ATP6V0C: variants seen among roughly 807,000 people sequenced by gnomAD.
The protein encoded by ATP6V0C is V-type proton ATPase 16 kDa proteolipid subunit c.
ATP6V0C carries 2 observed loss-of-function variants against 10.6 expected under a neutral mutation model. The observed-to-expected ratio is 0.19, with a 90% CI of 0.08 to 0.59. The LOEUF is 0.59. Among genes scored for constraint, ATP6V0C ranks in the 20% least tolerant of loss-of-function variants. The pLI, the probability that ATP6V0C is intolerant of heterozygous loss-of-function variation, is 0.90. For synonymous variants in ATP6V0C, 128 were observed against 101.3 expected (o/e 1.26, Z -1.59); for missense variants, 89 against 225.9 (o/e 0.39, Z 3.88).
chr16:2,519,655 A>G lies in ATP6V0C; in HGVS notation c.378A>G (p.Arg126=). Residue 126 remains arginine (R), a synonymous_variant, in exon 3 of 3, where the codon CGA becomes CGG. Transcript: ENST00000330398. ...AGVRGTAQQP[R]LFVGMILILI... ...TGCGGGGCACCGCCCAGCAGCCCCG[A>G]CTATTCGTGGGCATGATCCTGATTC... is the stretch of plus-strand genomic sequence containing the variant. The G allele has an allele frequency of 6.2e-7, 1 of 1,611,692 alleles. No individual in the cohort carries two copies. The highest frequency in any genetic ancestry group is 8.5e-7 in the Non-Finnish European group (1 of 1,178,230).
chr16:2,514,595 G>A (rs2065867649), intron 1 of ATP6V0C, among the ~76,000 whole-genome samples: 1 of 152,174 alleles, frequency 6.6e-6, no homozygotes, highest in South Asian at 2.1e-4. Context: ...GTGCGCGGGC[G>A]GCGGCGCGGG....
Position 2,519,947 on chromosome 16 carries a change from C to A in ATP6V0C, c.*202C>A, listed in dbSNP as rs375731347. ...GCCGTGGACATCTGGGCCCACTCAT[C>A]GCCCCTCCAGGCCCCCGGCGCCCCA... On this transcript the variant is annotated 3_prime_UTR_variant, in exon 3 of 3. Coordinates refer to ENST00000330398, the MANE Select transcript of ATP6V0C (RefSeq NM_001694.4). 4.4e-4 allele frequency: 338 copies of A among 775,206 alleles called. No homozygotes were observed. The African/African-American group carries it at 5.2e-3, about 12-fold the overall frequency. 48.0% of individuals were successfully genotyped at this position (775,206 alleles called of 1,614,324 possible). A position where few individuals can be genotyped will look rare whatever the true frequency, so the allele number is the denominator to read the frequency against.
intron 1 of ATP6V0C, among the ~76,000 whole-genome samples, chr16:2,516,052 T>C (rs2141890099): frequency 6.6e-6 from 1 of 151,726 alleles, no homozygotes; most frequent in Non-Finnish European, 1.5e-5. Context: ...ACTGTGGCTC[T>C]CCAGGAGCTG....
At chr16:2,517,060 C>G (rs952553398) in intron 1 of ATP6V0C, 1 of 152,500 alleles carries the variant, frequency 6.6e-6, no homozygotes, top group East Asian at 1.9e-4. Flanking sequence ...ACTTGGGTTG[C>G]TGAGTTCCCT....
chr16:2,513,801 C>G (rs1340496299), upstream of ATP6V0C: 1 of 209,668 alleles, frequency 4.8e-6, no homozygotes, highest in African/African-American at 2.3e-5. Flanking sequence ...GGGCCGGGCG[C>G]CGGGGCCGGG....
rs1023482238 is a variant in ATP6V0C, at chr16:2,519,868, C to T, written c.*123C>T. On this transcript the variant is annotated 3_prime_UTR_variant, in exon 3 of 3. Transcript: ENST00000330398. Reference sequence around the variant, plus strand: ...CCCAGTAGTTGGTCTTGTACATGCGCAGTGTCCTAGTGCCCATCGTCTGTT... The same window carrying T: ...CCCAGTAGTTGGTCTTGTACATGCGTAGTGTCCTAGTGCCCATCGTCTGTT... The T allele has an allele frequency of 2.0e-5, 26 of 1,298,128 alleles. No homozygotes were observed. Among genetic ancestry groups the T allele is most frequent in the African/African-American group, 2.9e-5 (2 of 68,308 alleles). The allele number at this position is 1,298,128 out of a possible 1,614,324, so 80.4% of individuals were successfully genotyped here.
chr16:2,518,611 G>C (rs2065889605), intron 1 of ATP6V0C, among the ~76,000 whole-genome samples: 1 of 152,234 alleles, frequency 6.6e-6, no homozygotes, highest in African/African-American at 2.4e-5. Flanking sequence ...TGAGGGTGCT[G>C]AGAGCTGCCC....
intron 1 of ATP6V0C, among the ~76,000 whole-genome samples, chr16:2,514,709 C>T (rs2065868551): frequency 1.3e-5 from 2 of 152,188 alleles, no homozygotes; most frequent in Admixed American, 6.5e-5. Context: ...GCGGCCGGCC[C>T]CGAGGGTCAG....
chr16:2,519,514 A>G (rs750107413), intron 2 of ATP6V0C, 27 bp from the exon 3 acceptor site: 4 of 1,542,058 alleles, frequency 2.6e-6, no homozygotes, highest in Non-Finnish European at 3.5e-6. Flanking sequence ...CAGGCTGCTG[A>G]TGTCAGTCCT....
At chr16:2,516,034 C>T (rs1478236669) in intron 1 of ATP6V0C, among the ~76,000 whole-genome samples, 1 of 151,456 alleles carries the variant, frequency 6.6e-6, no homozygotes, top group Non-Finnish European at 1.5e-5. Flanking sequence ...TCGGGATAAA[C>T]GTGGCTTACT....
chr16:2,519,591 C>T lies in ATP6V0C; in HGVS notation c.314C>T (p.Ala105Val). ...CTGAGCGTGGGCCTGAGCGGCCTGG[C>T]AGCCGGCTTTGCCATCGGCATCGTG... ...AGLSVGLSGLAAGFAIGIVGD... is the reference protein window; with the variant it reads ...AGLSVGLSGLVAGFAIGIVGD... The change falls in exon 3 of 3, where the codon GCA (alanine) becomes GTA (valine). Residue 105 changes from alanine (A) to valine (V), a missense_variant. By Grantham distance (64) the Ala-to-Val change is moderately conservative. Coordinates refer to ENST00000330398, the MANE Select transcript of ATP6V0C (RefSeq NM_001694.4). 6.3e-7 allele frequency: 1 copy of T among 1,584,548 alleles called. No homozygotes were observed. Among genetic ancestry groups the T allele is most frequent in the Non-Finnish European group, 8.6e-7 (1 of 1,160,954 alleles).
intron 1 of ATP6V0C, 174 bp downstream of exon 1, chr16:2,514,356 G>A: frequency 1.8e-6 from 1 of 565,576 alleles, no homozygotes; most frequent in Non-Finnish European, 2.6e-6. Flanking sequence ...GCGGGGAGCC[G>A]CCGGGGGTCC....
In ATP6V0C at chr16:2,519,562, CGGCCTGAGCGTG is replaced by C; in HGVS notation, c.296_307del (p.Val99_Ser102del). 1 of 1,558,108 alleles carries C rather than the reference CGGCCTGAGCGTG, an allele frequency of 6.4e-7. No homozygotes were observed. The highest frequency in any genetic ancestry group is 8.7e-7 in the Non-Finnish European group (1 of 1,148,762). ...CCAGGAGCTTCCTCCAGCTGGGCGC[CGGCCTGAGCGTG>C]GGCCTGAGCGGCCTGGCAGCCGGCT... On this transcript the variant is annotated inframe_deletion, in exon 3 of 3. Transcript: ENST00000330398.
chr16:2,514,009 C>G lies in ATP6V0C; in HGVS notation c.-95C>G. On this transcript the variant is annotated 5_prime_UTR_variant, in exon 1 of 3. Transcript: ENST00000330398. ...CTGACGGGCCGGATCGCCTTCGCCG[C>G]CGCCCGCCCGCAAACCTTCGTGCCC... is the stretch of plus-strand genomic sequence containing the variant. 8.3e-7 allele frequency: 1 copy of G among 1,200,002 alleles called. No individual in the cohort carries two copies. Among genetic ancestry groups the G allele is most frequent in the Non-Finnish European group, 1.2e-6 (1 of 864,414 alleles). The allele number at this position is 1,200,002 out of a possible 1,614,324, so 74.3% of individuals were successfully genotyped here. A position where few individuals can be genotyped will look rare whatever the true frequency, so the allele number is the denominator to read the frequency against.
At chr16:2,518,629 C>A (rs970957989) in intron 1 of ATP6V0C, among the ~76,000 whole-genome samples, 1 of 152,212 alleles carries the variant, frequency 6.6e-6, no homozygotes, top group African/African-American at 2.4e-5. Flanking sequence ...CCCTTTCTGG[C>A]AGAATGTTTG....
intron 1 of ATP6V0C, among the ~76,000 whole-genome samples, chr16:2,515,529 G>T (rs1165604393): frequency 6.6e-6 from 1 of 152,122 alleles, no homozygotes; most frequent in African/African-American, 2.4e-5. Flanking sequence ...CCTTCCCGTC[G>T]TGTGCAAGTA....
chr16:2,514,646 G>T (rs531318917), intron 1 of ATP6V0C, among the ~76,000 whole-genome samples: 1 of 152,184 alleles, frequency 6.6e-6, no homozygotes, highest in Non-Finnish European at 1.5e-5. Flanking sequence ...GAGCTTTCCG[G>T]CTGGTGGGGA....
rs1222290757 is a variant in ATP6V0C at position 2,520,107 on chromosome 16, TAG to T, written c.*365_*366del. On this transcript the variant is annotated 3_prime_UTR_variant, in exon 3 of 3. Transcript: ENST00000330398. The stretch of plus-strand genomic sequence containing the variant: ...TCTCCCAGCTATCTATAACCTTAGC[TAG>T]AGTGTCGCCTTGTGGGTTCCTGTTG... 5 of 588,418 alleles carry T rather than the reference TAG, an allele frequency of 8.5e-6. No individual in the cohort carries two copies. In the African/African-American group the frequency reaches 9.2e-5, roughly 11 times the overall value. 36.4% of individuals were successfully genotyped at this position (588,418 alleles called of 1,614,324 possible).
At chr16:2,514,223 C>G in intron 1 of ATP6V0C, 41 bp downstream of exon 1, 1 of 1,511,224 alleles carries the variant, frequency 6.6e-7, no homozygotes, top group Non-Finnish European at 8.9e-7. Flanking sequence ...CGGGGGCGCG[C>G]GCGTTGCTCA....
Sources: gnomAD v4.1 joint callset for allele counts (sites outside exome capture counted in the v4.1 genomes callset) on GRCh38, gnomAD v4.1.1 for gene constraint, MANE v1.5 for transcripts, NCBI Gene and HGNC (gene_info 2026-07-23, HGNC 2026-07-21) for gene names.